MACROD2: variants seen among roughly 807,000 people sequenced by gnomAD.
MACROD2 encodes the protein mono-ADP ribosylhydrolase 2.
A neutral mutation model predicts 70.4 loss-of-function variants in MACROD2; 36 were observed. That is an observed-to-expected ratio of 0.51 (90% CI 0.39 to 0.68). The LOEUF (loss-of-function observed/expected upper bound fraction) is 0.68. Ranked by LOEUF, MACROD2 falls within the 30% of genes least tolerant of loss-of-function variation. The pLI is 0.00. For missense variants in MACROD2, 496 were observed against 538.4 expected (o/e 0.92, Z 0.78); for synonymous variants, 172 against 178.8 (o/e 0.96, Z 0.30).
At chr20:15,610,462 G>A (rs945988663) in intron 8 of MACROD2, among the ~76,000 whole-genome samples, 1 of 152,060 alleles carries the variant, frequency 6.6e-6, no homozygotes, top group African/African-American at 2.4e-5. Context: ...TCCCATCTCC[G>A]CCTTAGACTT....
intron 5 of MACROD2, among the ~76,000 whole-genome samples, chr20:15,104,459 T>C (rs2075896537): frequency 6.6e-6 from 1 of 152,116 alleles, no homozygotes; most frequent in Non-Finnish European, 1.5e-5. Flanking sequence ...TATAAACCCA[T>C]AAACAAATTA....
At chr20:14,409,601 C>T (rs1011736466) in intron 3 of MACROD2, among the ~76,000 whole-genome samples, 4 of 152,050 alleles carry the variant, frequency 2.6e-5, no homozygotes, top group Non-Finnish European at 5.9e-5. Context: ...CCTTGTATAT[C>T]ATACCATTTA....
chr20:14,378,923 C>T (rs2083397308), intron 3 of MACROD2, among the ~76,000 whole-genome samples: 1 of 152,154 alleles, frequency 6.6e-6, no homozygotes, highest in Non-Finnish European at 1.5e-5. Flanking sequence ...AAGACAAATT[C>T]CATGCCTCTC....
intron 8 of MACROD2, among the ~76,000 whole-genome samples, chr20:15,854,218 G>A (rs908011510): frequency 1.3e-5 from 2 of 152,136 alleles, no homozygotes; most frequent in African/African-American, 4.8e-5. Context: ...TAATTAGGTG[G>A]GCTTTTAGAA....
At chr20:15,133,905 C>CTTTTTTTT (rs11467185) in intron 5 of MACROD2, among the ~76,000 whole-genome samples, 1 of 111,298 alleles carries the variant, frequency 9.0e-6, no homozygotes, top group Non-Finnish European at 1.8e-5. Flanking sequence ...TTTAAATAAT[C>CTTTTTTTT]TTTTTTTTTT....
At chr20:14,146,255 C>T (rs950260943) in intron 3 of MACROD2, among the ~76,000 whole-genome samples, 6 of 152,058 alleles carry the variant, frequency 3.9e-5, no homozygotes, top group African/African-American at 1.4e-4. Context: ...GGAGGCGGAG[C>T]TTGCAGTGAG....
At chr20:15,591,164 G>A (rs1192962536) in intron 8 of MACROD2, among the ~76,000 whole-genome samples, 10 of 152,126 alleles carry the variant, frequency 6.6e-5, no homozygotes, top group Admixed American at 5.9e-4. Context: ...TACCTTTCTG[G>A]TATTCTATCC....
At chr20:14,912,604 T>G (rs2074041300) in intron 5 of MACROD2, among the ~76,000 whole-genome samples, 2 of 152,034 alleles carry the variant, frequency 1.3e-5, no homozygotes, top group African/African-American at 4.8e-5. Flanking sequence ...ACAGTAATCA[T>G]TGGAGGTGAA....
At position 15,824,519 on chromosome 20, in the gene MACROD2, C is replaced by G. The variant is rs36064612; in HGVS notation, c.646-38226C>G. ...GGGAAAGCAAAGTATTTTTTCTTCA[C>G]CCTTTATGCCCAGTCTGTGAAGTTC... is the stretch of plus-strand genomic sequence containing the variant. On this transcript the variant is annotated intron_variant, in intron 8 of 17. Transcript: ENST00000684519. 8.7e-3 allele frequency among the ~76,000 whole-genome samples: 1,318 copies of G among 152,200 alleles called. 14 individuals carry two copies. The highest frequency in any genetic ancestry group is 0.014 in the Non-Finnish European group (940 of 68,002).
At chr20:15,423,443 G>A (rs1368543085) in intron 6 of MACROD2, among the ~76,000 whole-genome samples, 1 of 152,100 alleles carries the variant, frequency 6.6e-6, no homozygotes, top group East Asian at 1.9e-4. Flanking sequence ...TATCCCCTCT[G>A]TCTTAGTCAG....
chr20:15,305,083 G>A (rs113452985), intron 6 of MACROD2, among the ~76,000 whole-genome samples: 30 of 152,116 alleles, frequency 2.0e-4, no homozygotes, highest in African/African-American at 6.0e-4. Flanking sequence ...TATTACCTAC[G>A]TGACACCTAT....
intron 5 of MACROD2, among the ~76,000 whole-genome samples, chr20:14,747,172 A>G (rs192805901): frequency 6.6e-6 from 1 of 152,256 alleles, no homozygotes; most frequent in African/African-American, 2.4e-5. Context: ...ATTCTTCTAT[A>G]GCAGCCCTGT....
intron 15 of MACROD2, among the ~76,000 whole-genome samples, chr20:16,029,018 C>A (rs183540639): frequency 1.3e-5 from 2 of 152,304 alleles, no homozygotes; most frequent in Admixed American, 1.3e-4. Context: ...AGTCCAAGAT[C>A]GAGGTGCTGC....
chr20:15,909,967 T>G (rs895066939), intron 10 of MACROD2, among the ~76,000 whole-genome samples: 1 of 152,138 alleles, frequency 6.6e-6, no homozygotes, highest in African/African-American at 2.4e-5. Context: ...GGCTCAGGAT[T>G]TCTGAGTGAG....
At chr20:14,838,255 C>T in intron 5 of MACROD2, among the ~76,000 whole-genome samples, 1 of 152,010 alleles carries the variant, frequency 6.6e-6, no homozygotes, top group Non-Finnish European at 1.5e-5. Context: ...TTAGAATATG[C>T]TAGAAACTTG....
intron 5 of MACROD2, among the ~76,000 whole-genome samples, chr20:15,210,974 T>C (rs1379851405): frequency 6.6e-6 from 1 of 152,190 alleles, no homozygotes; most frequent in Non-Finnish European, 1.5e-5. Flanking sequence ...TACAGCTTTT[T>C]TCAAACGTAC....
intron 6 of MACROD2, among the ~76,000 whole-genome samples, chr20:15,250,178 C>T (rs2077142548): frequency 6.6e-6 from 1 of 152,092 alleles, no homozygotes; most frequent in African/African-American, 2.4e-5. Context: ...TCCTCACCTC[C>T]CCACCACCTT....
In MACROD2 at chr20:14,896,282, G is replaced by A. The variant is rs549611883; in HGVS notation, c.418+211323G>A. 7.9e-5 allele frequency among the ~76,000 whole-genome samples: 12 copies of A among 151,982 alleles called. No homozygotes were observed. The South Asian group carries it at 1.2e-3, about 16-fold the overall frequency. ...TGCACTTCAGCCTGGGCGACAGAGC[G>A]CAACTCTATCTCAAAAAAATAAATA... On this transcript the variant is annotated intron_variant, in intron 5 of 17. Transcript: ENST00000684519.
intron 8 of MACROD2, among the ~76,000 whole-genome samples, chr20:15,727,548 C>A (rs572542983): frequency 6.6e-6 from 1 of 151,860 alleles, no homozygotes; most frequent in Admixed American, 6.6e-5. Flanking sequence ...GTTTTAACAA[C>A]GTTGCTTCTT....
Sources: allele counts gnomAD v4.1 joint callset (sites outside exome capture counted in the v4.1 genomes callset), GRCh38; gene constraint gnomAD v4.1.1; transcripts MANE v1.5; gene names NCBI Gene and HGNC (gene_info 2026-07-23, HGNC 2026-07-21).